Variants in CYP4Z1 observed in about 807,000 individuals in gnomAD.
The protein encoded by CYP4Z1 is cytochrome P450 family 4 subfamily Z member 1.
Under a neutral mutation model 54.2 loss-of-function variants are expected in CYP4Z1, and 41 were observed. The observed-to-expected ratio is 0.76, with a 90% CI of 0.59 to 0.98. The LOEUF is 0.98. CYP4Z1 is among the 50% of genes least tolerant of loss of function. The probability of loss-of-function intolerance (pLI) is 0.00; values close to 1 mark genes in which losing one functional copy is unlikely to be tolerated. For missense variants in CYP4Z1, 513 were observed against 599.0 expected, an observed-to-expected ratio of 0.86 and a Z score of 1.50; for synonymous variants, 163 against 206.2, an observed-to-expected ratio of 0.79 and a Z score of 1.79.
the CYP4Z1 span, among the ~76,000 whole-genome samples, chr1:47,057,144 G>A: frequency 1.6e-4 from 24 of 151,134 alleles, no homozygotes; most frequent in African/African-American, 5.1e-4. Flanking sequence ...GCATTTGCTT[G>A]TCTGTAAAGT....
At chr1:47,099,424 C>A in intron 8 of CYP4Z1, 140 bp downstream of exon 8, 1 of 729,078 alleles carries the variant, frequency 1.4e-6, no homozygotes, top group Non-Finnish European at 2.1e-6. Flanking sequence ...TAGAGTCCTA[C>A]GTTATTTAAA....
At chr1:47,102,597 T>A (rs1386251470) in intron 8 of CYP4Z1, among the ~76,000 whole-genome samples, 2 of 152,208 alleles carry the variant, frequency 1.3e-5, no homozygotes, top group Non-Finnish European at 2.9e-5. Context: ...GGGAATAGTA[T>A]CCTTGACTAA....
intron 9 of CYP4Z1, among the ~76,000 whole-genome samples, chr1:47,114,685 A>G (rs974051794): frequency 3.3e-5 from 5 of 152,236 alleles, no homozygotes; most frequent in African/African-American, 1.2e-4. Flanking sequence ...GCCAACAGAC[A>G]CATGAAAAAA....
intron 8 of CYP4Z1, among the ~76,000 whole-genome samples, chr1:47,104,987 C>T (rs1644747013): frequency 6.6e-6 from 1 of 152,044 alleles, no homozygotes; most frequent in Non-Finnish European, 1.5e-5. Flanking sequence ...CTAGGCTCAC[C>T]ACAAGGGAGG....
intron 9 of CYP4Z1, among the ~76,000 whole-genome samples, chr1:47,112,448 C>T (rs1644798236): frequency 1.3e-5 from 2 of 152,058 alleles, no homozygotes; most frequent in Admixed American, 6.6e-5. Context: ...CCCAGTAATA[C>T]TTAAAGTTGT....
intron 10 of CYP4Z1, among the ~76,000 whole-genome samples, chr1:47,116,031 C>A (rs1644827450): frequency 6.6e-6 from 1 of 152,154 alleles, no homozygotes; most frequent in Non-Finnish European, 1.5e-5. Flanking sequence ...ATATCACTCT[C>A]CTTCACACTC....
chr1:47,083,721 T>A (rs1311352461), intron 4 of CYP4Z1, among the ~76,000 whole-genome samples: 1 of 152,168 alleles, frequency 6.6e-6, no homozygotes, highest in Non-Finnish European at 1.5e-5. Flanking sequence ...CCTGAACTGA[T>A]GCACCTCTCT....
At chr1:47,066,945 T>C (rs1456064451), upstream of CYP4Z1, among the ~76,000 whole-genome samples, 2 of 152,000 alleles carry the variant, frequency 1.3e-5, no homozygotes, top group African/African-American at 4.8e-5. Context: ...TGTGTCATTG[T>C]AGGTTCATTA....
At chr1:47,089,929 T>C (rs1265820912) in intron 6 of CYP4Z1, among the ~76,000 whole-genome samples, 2 of 152,284 alleles carry the variant, frequency 1.3e-5, no homozygotes, top group Admixed American at 6.5e-5. Context: ...TTGGGAGAAA[T>C]ATGATATTGG....
chr1:47,109,003 T>A (rs1239756248), intron 9 of CYP4Z1, among the ~76,000 whole-genome samples: 1 of 152,072 alleles, frequency 6.6e-6, no homozygotes, highest in Non-Finnish European at 1.5e-5. Flanking sequence ...AAGTTTTATA[T>A]TTCCATACTT....
intron 9 of CYP4Z1, among the ~76,000 whole-genome samples, chr1:47,112,011 A>G (rs1444737713): frequency 6.6e-6 from 1 of 152,228 alleles, no homozygotes; most frequent in East Asian, 1.9e-4. Context: ...TTTTATTAAT[A>G]AAAGAATTAA....
In CYP4Z1 at chr1:47,117,943, C is replaced by A. The variant is rs377374748; in HGVS notation, c.*9C>A. On this transcript the variant is annotated 3_prime_UTR_variant, in exon 12 of 12. Coordinates refer to ENST00000334194, the MANE Select transcript of CYP4Z1 (RefSeq NM_178134.3). ...CAAAAAAAGTTTGCTAATTTTAAGTCCTTTCGTATAAGAATTAATGAGACA... is the reference window on the plus strand; with the variant it reads ...CAAAAAAAGTTTGCTAATTTTAAGTACTTTCGTATAAGAATTAATGAGACA... The A allele has an allele frequency of 2.2e-5, 36 of 1,611,778 alleles. No homozygotes were observed. Among genetic ancestry groups the A allele is most frequent in the Non-Finnish European group, 2.9e-5 (34 of 1,178,952 alleles).
chr1:47,095,498 G>C (rs1282743219), intron 7 of CYP4Z1, among the ~76,000 whole-genome samples: 1 of 152,096 alleles, frequency 6.6e-6, no homozygotes, highest in African/African-American at 2.4e-5. Flanking sequence ...TAGCAATCCT[G>C]TAAGGATAAA....
Position 47,068,544 on chromosome 1 carries a change from C to T in CYP4Z1, c.178-78C>T, listed in dbSNP as rs1452955228. The T allele has an allele frequency of 7.7e-6, 12 of 1,558,198 alleles. No homozygotes were observed. The African/African-American group carries it at 1.4e-4, about 18-fold the overall frequency. On this transcript the variant is annotated intron_variant, in intron 1 of 11. Transcript: ENST00000334194. ...TGGTGTCCACAGATCCTCAACTTAG[C>T]ACATGGTCCATCCGAGGGAAAGGGG...
At chr1:47,112,777 A>G (rs1644802853) in intron 9 of CYP4Z1, among the ~76,000 whole-genome samples, 1 of 152,134 alleles carries the variant, frequency 6.6e-6, no homozygotes, top group Non-Finnish European at 1.5e-5. Flanking sequence ...TGGCCAAGTA[A>G]GTAGGTCATA....
At chr1:47,090,649 G>C (rs1192216479) in intron 6 of CYP4Z1, among the ~76,000 whole-genome samples, 1 of 152,210 alleles carries the variant, frequency 6.6e-6, no homozygotes, top group Non-Finnish European at 1.5e-5. Context: ...AAGATAAGTA[G>C]CCGTCACTCA....
the CYP4Z1 span, among the ~76,000 whole-genome samples, chr1:47,057,335 A>AATAT: frequency 2.3e-3 from 64 of 28,028 alleles, no homozygotes; most frequent in Non-Finnish European, 3.9e-3. Flanking sequence ...AAGAAAAAAA[A>AATAT]ATATATATAT....
At chr1:47,083,544 C>T (rs572712642) in intron 4 of CYP4Z1, among the ~76,000 whole-genome samples, 34 of 152,228 alleles carry the variant, frequency 2.2e-4, no homozygotes, top group South Asian at 2.1e-4. Flanking sequence ...GCCTGTAATC[C>T]CAGCACTTTG....
At chr1:47,088,636 AG>A (rs914510884) in intron 6 of CYP4Z1, among the ~76,000 whole-genome samples, 1 of 135,052 alleles carries the variant, frequency 7.4e-6, no homozygotes, top group African/African-American at 2.9e-5. Context: ...TTTTGTTTTG[AG>A]ACAGGGTCTC....
Sources: gnomAD v4.1 joint callset for allele counts (sites outside exome capture counted in the v4.1 genomes callset) on GRCh38, gnomAD v4.1.1 for gene constraint, MANE v1.5 for transcripts, NCBI Gene and HGNC (gene_info 2026-07-23, HGNC 2026-07-21) for gene names.